Variants in GAS5 observed in about 807,000 individuals in gnomAD.
GAS5 encodes growth arrest specific 5, also known as growth arrest specific 5 (non-protein coding).
At chr1:173,864,288 T>C in exon 7 of GAS5, 1 of 513,488 alleles carries the variant, frequency 1.9e-6, no homozygotes. Context: ...GCTTGCTTGT[T>C]GTGGTCATTA....
intron 6 of GAS5, chr1:173,864,353 T>A (rs1160668517): frequency 1.9e-6 from 1 of 518,688 alleles, no homozygotes; most frequent in Non-Finnish European, 3.8e-6. Context: ...AAATGTGTGA[T>A]GCTTGTTAGT....
chr1:173,864,376 G>A (rs769159013), intron 6 of GAS5: 6 of 518,888 alleles, frequency 1.2e-5, no homozygotes, highest in Non-Finnish European at 3.8e-6. Flanking sequence ...AGTAACCTCA[G>A]AATCAAAATG....
chr1:173,867,959 C>A (rs559589212), upstream of GAS5: 20 of 348,544 alleles, frequency 5.7e-5, no homozygotes, highest in Admixed American at 1.1e-4. Context: ...ATAAAACATA[C>A]CTCACAGGAG....
upstream of GAS5, chr1:173,867,263 T>C: frequency 2.0e-6 from 1 of 512,020 alleles, no homozygotes. Flanking sequence ...TCACGGCTTG[T>C]AATCCCAGTA....
At chr1:173,865,895 C>T in intron 4 of GAS5, 1 of 518,910 alleles carries the variant, frequency 1.9e-6, no homozygotes, top group South Asian at 1.4e-5. Flanking sequence ...TGGACTCCAC[C>T]TAAGAAATAA....
intron 5 of GAS5, chr1:173,865,617 C>A (rs750829389): frequency 4.0e-5 from 21 of 519,124 alleles, no homozygotes; most frequent in Non-Finnish European, 7.3e-5. Flanking sequence ...TTGTCTGTCA[C>A]AGGGTTCTTC....
chr1:173,866,884 CAGAAT>C (rs756876358), intron 1 of GAS5: 1 of 765,488 alleles, frequency 1.3e-6, no homozygotes, highest in South Asian at 1.3e-5. Context: ...ATTAAAGCCT[CAGAAT>C]AGAATTTCAG....
upstream of GAS5, chr1:173,867,261 TG>T (rs1433793280): frequency 1.9e-6 from 1 of 514,610 alleles, no homozygotes; most frequent in African/African-American, 1.9e-5. Context: ...GCTCACGGCT[TG>T]TAATCCCAGT....
At chr1:173,867,564 G>A (rs937599816), upstream of GAS5, 1 of 488,548 alleles carries the variant, frequency 2.0e-6, no homozygotes, top group South Asian at 1.4e-5. Flanking sequence ...GCGGAATGCA[G>A]GCACTTAAGC....
chr1:173,864,429 T>C (rs1470191763), intron 6 of GAS5: 1 of 518,760 alleles, frequency 1.9e-6, no homozygotes, highest in African/African-American at 1.9e-5. Flanking sequence ...TTTGGCAGAA[T>C]CATTACATCA....
At chr1:173,864,114 A>C (rs984466998) in intron 7 of GAS5, 1 of 512,242 alleles carries the variant, frequency 2.0e-6, no homozygotes, top group African/African-American at 1.9e-5. Context: ...AGCCACATTT[A>C]CAGACTTCAA....
rs114205122 is a variant in GAS5 at position 173,864,518 on chromosome 1, T to A, written n.277-214A>T. 4.9e-4 allele frequency: 218 copies of A among 442,664 alleles called. 2 individuals carry two copies. The highest frequency in any genetic ancestry group is 3.2e-3 in the African/African-American group (156 of 49,134). 27.4% of individuals were successfully genotyped at this position (442,664 alleles called of 1,614,324 possible). A position where few individuals can be genotyped will look rare whatever the true frequency, so the allele number is the denominator to read the frequency against. ...GATAACAGGTCTGCCTGTTTGAAGA[T>A]GAAAAATAATACCCATTTAAAATTT... On this transcript the variant is annotated intron_variant and non_coding_transcript_variant, in intron 6 of 7. Coordinates refer to ENST00000651080, the Ensembl canonical transcript of GAS5.
chr1:173,867,601 A>C (rs901635212), upstream of GAS5: 1 of 517,034 alleles, frequency 1.9e-6, no homozygotes, highest in Admixed American at 1.9e-5. Context: ...ACAGCCTTTC[A>C]TGAGAGCGGA....
At chr1:173,864,824 C>T (rs377039047) in intron 6 of GAS5, 82 of 519,014 alleles carry the variant, frequency 1.6e-4, no homozygotes, top group East Asian at 1.6e-3. Flanking sequence ...AGAATGTTAC[C>T]GCCAGATACA....
upstream of GAS5, chr1:173,867,447 G>A (rs1307828508): frequency 8.4e-6 from 3 of 358,668 alleles, no homozygotes; most frequent in African/African-American, 4.3e-5. Flanking sequence ...GGGACGCGGA[G>A]GTTGCCATTA....
intron 6 of GAS5, chr1:173,864,485 T>C: frequency 2.0e-6 from 1 of 505,540 alleles, no homozygotes; most frequent in East Asian, 5.5e-5. Flanking sequence ...CTGACTCACC[T>C]AGTTTAGGAT....
At chr1:173,865,345 AACT>A (rs1364902205) in intron 6 of GAS5, 2 of 504,878 alleles carry the variant, frequency 4.0e-6, no homozygotes, top group Non-Finnish European at 7.9e-6. Context: ...AAGATTTCCC[AACT>A]ACTGTTTCAG....
At chr1:173,866,565 G>C (rs1654692115) in exon 3 of GAS5, 1 of 754,256 alleles carries the variant, frequency 1.3e-6, no homozygotes. Flanking sequence ...TGCTCTTTAG[G>C]ACCTGGGAAG....
At chr1:173,866,882 C>G in intron 1 of GAS5, 1 of 765,490 alleles carries the variant, frequency 1.3e-6, no homozygotes, top group Non-Finnish European at 2.4e-6. Context: ...ACATTAAAGC[C>G]TCAGAATAGA....
Sources: gnomAD v4.1 joint callset for allele counts on GRCh38, gnomAD v4.1.1 for gene constraint, MANE v1.5 for transcripts, NCBI Gene and HGNC (gene_info 2026-07-23, HGNC 2026-07-21) for gene names.